Variants in TAFA2 observed in about 807,000 individuals in gnomAD.
The protein encoded by TAFA2 is chemokine-like protein TAFA-2.
TAFA2 carries 7 observed loss-of-function variants against 18.8 expected under a neutral mutation model. That is an observed-to-expected ratio of 0.37 (90% CI 0.21 to 0.70). The LOEUF (loss-of-function observed/expected upper bound fraction) is 0.70, where lower values mean the gene tolerates loss of function less well. TAFA2 is among the 30% of genes least tolerant of loss of function. The probability of loss-of-function intolerance (pLI) is 0.53; values close to 1 mark genes in which losing one functional copy is unlikely to be tolerated. For missense variants in TAFA2, 122 were observed against 158.1 expected (o/e 0.77, Z 1.23); for synonymous variants, 60 against 54.2 (o/e 1.11, Z -0.47).
At chr12:62,088,697 T>C (rs977568693) in intron 1 of TAFA2, among the ~76,000 whole-genome samples, 71 of 145,008 alleles carry the variant, frequency 4.9e-4, no homozygotes, top group African/African-American at 1.6e-3. Context: ...AATTCTTCCT[T>C]TGAAGGAGGA....
intron 1 of TAFA2, among the ~76,000 whole-genome samples, chr12:62,074,914 CTGGTTT>C (rs1420243090): frequency 1.3e-5 from 2 of 151,938 alleles, no homozygotes; most frequent in East Asian, 3.9e-4. Context: ...GTTGCCCAGG[CTGGTTT>C]CAAACTCCTG....
At chr12:61,841,552 C>A (rs1257486707) in intron 2 of TAFA2, among the ~76,000 whole-genome samples, 1 of 151,950 alleles carries the variant, frequency 6.6e-6, no homozygotes, top group African/African-American at 2.4e-5. Flanking sequence ...TATAGCTTTG[C>A]AGTATATTTT....
At chr12:62,214,266 C>T (rs1012956267) in intron 1 of TAFA2, among the ~76,000 whole-genome samples, 7 of 152,128 alleles carry the variant, frequency 4.6e-5, no homozygotes, top group Non-Finnish European at 5.9e-5. Context: ...AATTGAATTA[C>T]GGGGGCAGTT....
At chr12:62,208,158 G>T (rs1477056939) in intron 1 of TAFA2, among the ~76,000 whole-genome samples, 1 of 152,076 alleles carries the variant, frequency 6.6e-6, no homozygotes, top group Non-Finnish European at 1.5e-5. Flanking sequence ...CCTGCTTCTT[G>T]TCTGAAAAAT....
Position 61,986,655 on chromosome 12 carries a change from A to T in TAFA2, c.-1-119229T>A, listed in dbSNP as rs570906335. On this transcript the variant is annotated intron_variant, in intron 1 of 4. Coordinates refer to ENST00000416284, the MANE Select transcript of TAFA2 (RefSeq NM_178539.5). ...CATTTACTGGCCATGAGACTTAGTT[A>T]AAAAAAAAAAAAAATCACTTAAACT... is the stretch of plus-strand genomic sequence containing the variant. Among the ~76,000 whole-genome samples, 5 of 39,848 alleles carry T rather than the reference A, an allele frequency of 1.3e-4. No homozygotes were observed. The South Asian group carries it at 3.5e-3, about 28-fold the overall frequency. The allele number at this position is 39,848 out of a possible 152,430, so 26.1% of individuals were successfully genotyped here. A position where few individuals can be genotyped will look rare whatever the true frequency, so the allele number is the denominator to read the frequency against.
At chr12:61,997,419 G>A (rs529256229) in intron 1 of TAFA2, among the ~76,000 whole-genome samples, 66 of 152,210 alleles carry the variant, frequency 4.3e-4, no homozygotes, top group African/African-American at 1.5e-3. Context: ...TACAGTCAAG[G>A]AAGAGCAAGA....
intron 1 of TAFA2, among the ~76,000 whole-genome samples, chr12:61,948,846 A>T (rs1878369578): frequency 6.6e-6 from 1 of 152,170 alleles, no homozygotes; most frequent in Non-Finnish European, 1.5e-5. Flanking sequence ...TTACACCCAT[A>T]GTGTGAGCTA....
chr12:61,879,962 C>T, intron 1 of TAFA2: 1 of 865,586 alleles, frequency 1.2e-6, no homozygotes, highest in Non-Finnish European at 2.0e-6. Flanking sequence ...GGAGTCTCAC[C>T]TGGAAGGGCT....
intron 2 of TAFA2, among the ~76,000 whole-genome samples, chr12:61,761,899 AGT>A (rs1869565032): frequency 1.3e-5 from 2 of 152,038 alleles, no homozygotes; most frequent in Non-Finnish European, 2.9e-5. Context: ...ATCATGGGGC[AGT>A]TCCTAATGGA....
intron 2 of TAFA2, among the ~76,000 whole-genome samples, chr12:61,765,716 A>G (rs1019939944): frequency 1.3e-5 from 2 of 152,168 alleles, no homozygotes; most frequent in Non-Finnish European, 2.9e-5. Context: ...AGTGTTAGCT[A>G]TAATTATTAT....
intron 2 of TAFA2, among the ~76,000 whole-genome samples, chr12:61,830,545 G>A (rs920997361): frequency 1.3e-5 from 2 of 151,752 alleles, no homozygotes; most frequent in Non-Finnish European, 2.9e-5. Context: ...GCTAAATAAC[G>A]TGTACACATG....
At chr12:61,727,164 A>T (rs1032553970) in intron 4 of TAFA2, among the ~76,000 whole-genome samples, 1 of 151,986 alleles carries the variant, frequency 6.6e-6, no homozygotes, top group Non-Finnish European at 1.5e-5. Context: ...ATCTATGTTC[A>T]TCAAGGATAT....
At chr12:61,893,783 G>C (rs1429503869) in intron 1 of TAFA2, among the ~76,000 whole-genome samples, 1 of 152,124 alleles carries the variant, frequency 6.6e-6, no homozygotes, top group Non-Finnish European at 1.5e-5. Context: ...AACAAATATA[G>C]ACATATTCAA....
At chr12:62,132,020 T>C (rs948997604) in intron 1 of TAFA2, among the ~76,000 whole-genome samples, 1 of 150,856 alleles carries the variant, frequency 6.6e-6, no homozygotes, top group African/African-American at 2.4e-5. Flanking sequence ...TAGGAAATGG[T>C]ATGTTAAAAC....
chr12:62,236,513 C>T (rs112431287), intron 1 of TAFA2, among the ~76,000 whole-genome samples: 26,423 of 152,080 alleles, frequency 0.17, 2,524 homozygotes, highest in African/African-American at 0.26. Context: ...GATCTACCCA[C>T]CTCAGCCTCC....
chr12:62,161,809 G>T (rs555515059), intron 1 of TAFA2, among the ~76,000 whole-genome samples: 4 of 152,188 alleles, frequency 2.6e-5, no homozygotes, highest in African/African-American at 9.6e-5. Context: ...TTTCTTAAAT[G>T]TCTATATACC....
chr12:61,745,424 G>A (rs1868655705), intron 4 of TAFA2, among the ~76,000 whole-genome samples: 1 of 151,882 alleles, frequency 6.6e-6, no homozygotes, highest in South Asian at 2.1e-4. Context: ...CTCATCTCAG[G>A]TACTTTCACT....
At chr12:62,165,088 C>G (rs1273735640) in intron 1 of TAFA2, among the ~76,000 whole-genome samples, 1 of 152,056 alleles carries the variant, frequency 6.6e-6, no homozygotes, top group Non-Finnish European at 1.5e-5. Flanking sequence ...GAATTGGTCT[C>G]TCATATAAAA....
chr12:61,912,258 A>T (rs1876640636), intron 1 of TAFA2, among the ~76,000 whole-genome samples: 1 of 152,226 alleles, frequency 6.6e-6, no homozygotes, highest in African/African-American at 2.4e-5. Flanking sequence ...GTTTACACAT[A>T]GAAAAATGCA....
Sources: gnomAD v4.1 joint callset for allele counts (sites outside exome capture counted in the v4.1 genomes callset) on GRCh38, gnomAD v4.1.1 for gene constraint, MANE v1.5 for transcripts, NCBI Gene and HGNC (gene_info 2026-07-23, HGNC 2026-07-21) for gene names.